Variants in TMCC3 observed in about 807,000 individuals in gnomAD.
TMCC3 encodes the protein transmembrane and coiled-coil domain protein 3.
TMCC3 carries 28 observed loss-of-function variants against 40.2 expected under a neutral mutation model. The ratio of observed to expected loss-of-function variants is 0.70; its 90% confidence interval spans 0.52 to 0.95. The LOEUF (loss-of-function observed/expected upper bound fraction) is 0.95. Among genes scored for constraint, TMCC3 ranks in the 40% least tolerant of loss-of-function variants. The pLI is 0.00. For synonymous variants in TMCC3, 255 were observed against 248.5 expected, an observed-to-expected ratio of 1.03 and a Z score of -0.25; for missense variants, 554 against 615.2, an observed-to-expected ratio of 0.90 and a Z score of 1.05.
rs192372324 is a variant in TMCC3, at chr12:94,605,919, A to T, written c.79-23381T>A. Among the ~76,000 whole-genome samples the T allele has an allele frequency of 2.0e-3, 301 of 152,342 alleles. 1 individual carries two copies. Among genetic ancestry groups the T allele is most frequent in the African/African-American group, 7.0e-3 (291 of 41,578 alleles). ...ATTCTCCTGAATGCAGGAAAGTACC[A>T]CGGTTACACCAATCTACTCCGTCAA... is the stretch of plus-strand genomic sequence containing the variant. On this transcript the variant is annotated intron_variant, in intron 1 of 3. Coordinates refer to ENST00000261226, the MANE Select transcript of TMCC3 (RefSeq NM_020698.4).
chr12:94,627,813 T>C (rs2068911558), intron 1 of TMCC3, among the ~76,000 whole-genome samples: 1 of 152,248 alleles, frequency 6.6e-6, no homozygotes, highest in African/African-American at 2.4e-5. Context: ...GCATTGCACT[T>C]ATCCACATTT....
At chr12:94,598,623 T>C (rs1176119347) in intron 1 of TMCC3, 1 of 985,320 alleles carries the variant, frequency 1.0e-6, no homozygotes, top group African/African-American at 1.7e-5. Flanking sequence ...GGCCAGCTTA[T>C]ACATAAACTC....
At chr12:94,592,118 AT>A (rs1266642004) in intron 1 of TMCC3, among the ~76,000 whole-genome samples, 7 of 152,206 alleles carry the variant, frequency 4.6e-5, no homozygotes, top group Non-Finnish European at 1.0e-4. Flanking sequence ...CCAGAAGGAC[AT>A]TTTATTAGGA....
chr12:94,634,724 T>C (rs1403667651), intron 1 of TMCC3, among the ~76,000 whole-genome samples: 3 of 152,228 alleles, frequency 2.0e-5, no homozygotes, highest in Admixed American at 1.3e-4. Context: ...AGGGCATAAA[T>C]GAGCCACCTG....
intron 1 of TMCC3, among the ~76,000 whole-genome samples, chr12:94,646,540 G>C (rs1312637097): frequency 6.9e-6 from 1 of 144,012 alleles, no homozygotes; most frequent in African/African-American, 2.6e-5. Flanking sequence ...CCGGGTTCAA[G>C]AGATTCTCCT....
At chr12:94,592,680 A>AAAAAAAAAAAAAAAAAAAAAC (rs2068685856) in intron 1 of TMCC3, among the ~76,000 whole-genome samples, 2 of 148,448 alleles carry the variant, frequency 1.3e-5, no homozygotes, top group African/African-American at 2.5e-5. Flanking sequence ...AAAAAAAAAA[A>AAAAAAAAAAAAAAAAAAAAAC]AAATTCTATT....
intron 3 of TMCC3, among the ~76,000 whole-genome samples, chr12:94,573,343 C>A (rs2068544740): frequency 6.6e-6 from 1 of 152,230 alleles, no homozygotes; most frequent in African/African-American, 2.4e-5. Flanking sequence ...AATAACCTTA[C>A]ACGAATTTCC....
intron 3 of TMCC3, among the ~76,000 whole-genome samples, chr12:94,575,460 A>G (rs1400838632): frequency 6.6e-6 from 1 of 152,146 alleles, no homozygotes; most frequent in Non-Finnish European, 1.5e-5. Context: ...CAGAGCACTA[A>G]CTCATCCAGG....
At chr12:94,641,074 C>T (rs535213575) in intron 1 of TMCC3, among the ~76,000 whole-genome samples, 55 of 152,050 alleles carry the variant, frequency 3.6e-4, no homozygotes, top group Non-Finnish European at 7.1e-4. Flanking sequence ...ATGGTATGTG[C>T]CTGTAATCCC....
intron 1 of TMCC3, among the ~76,000 whole-genome samples, chr12:94,593,651 TCAAG>T (rs1019661968): frequency 6.6e-6 from 1 of 151,856 alleles, no homozygotes; most frequent in Non-Finnish European, 1.5e-5. Context: ...AACAAATTCT[TCAAG>T]CATCCTCAAG....
chr12:94,578,607 G>T, intron 2 of TMCC3, 78 bp from the exon 3 acceptor site: 1 of 1,485,560 alleles, frequency 6.7e-7, no homozygotes. Flanking sequence ...ATCTTCCTGC[G>T]CCAGTACCTT....
chr12:94,600,873 G>A (rs4761638), intron 1 of TMCC3, among the ~76,000 whole-genome samples: 45,856 of 151,868 alleles, frequency 0.3, 7,575 homozygotes, highest in African/African-American at 0.42. Context: ...ACTTTCTCAG[G>A]TACCATACAA....
chr12:94,598,886 T>C, intron 1 of TMCC3: 6 of 622,474 alleles, frequency 9.6e-6, no homozygotes, highest in Non-Finnish European at 1.2e-5. Context: ...AGAACCTAAG[T>C]CTGTATTTGG....
chr12:94,619,788 G>A (rs191879961), intron 1 of TMCC3, among the ~76,000 whole-genome samples: 50 of 152,204 alleles, frequency 3.3e-4, no homozygotes, highest in Non-Finnish European at 4.4e-4. Context: ...AACTTAAATC[G>A]CATATCAATA....
intron 1 of TMCC3, among the ~76,000 whole-genome samples, chr12:94,617,906 G>C (rs983934641): frequency 1.6e-4 from 24 of 152,168 alleles, no homozygotes; most frequent in Admixed American, 8.5e-4. Flanking sequence ...GTCTATCAAA[G>C]TTAATATTGC....
At chr12:94,595,105 C>T (rs1002144580) in intron 1 of TMCC3, among the ~76,000 whole-genome samples, 4 of 152,140 alleles carry the variant, frequency 2.6e-5, no homozygotes, top group African/African-American at 9.7e-5. Flanking sequence ...CAGAATCAAA[C>T]GTAGAGTAAC....
chr12:94,605,167 C>G (rs2068775714), intron 1 of TMCC3, among the ~76,000 whole-genome samples: 1 of 152,104 alleles, frequency 6.6e-6, no homozygotes, highest in Non-Finnish European at 1.5e-5. Flanking sequence ...CCATGCTAGG[C>G]TAGACACCTG....
At position 94,582,005 on chromosome 12, in the gene TMCC3, T is replaced by G. The variant is rs770406827; in HGVS notation, c.612A>C (p.Arg204Ser). 1.2e-6 allele frequency: 2 copies of G among 1,614,212 alleles called. No homozygotes were observed. The highest frequency in any genetic ancestry group is 1.7e-6 in the Non-Finnish European group (2 of 1,180,034). ...TATTCCGGATCAGGTTGGCAAACTC[T>G]CTGGACTTATTGAAAACGAACACAG... is the stretch of plus-strand genomic sequence containing the variant. ...TPPVFVFNKSREFANLIRNKF... is the reference protein window; with the variant it reads ...TPPVFVFNKSSEFANLIRNKF... The change falls in exon 2 of 4, where the codon AGA becomes AGC. Residue 204 changes from arginine (R) to serine (S), a missense_variant. Transcript: ENST00000261226.
intron 1 of TMCC3, among the ~76,000 whole-genome samples, chr12:94,645,827 C>A (rs573073141): frequency 6.6e-6 from 1 of 152,038 alleles, no homozygotes; most frequent in African/African-American, 2.4e-5. Context: ...TTCCTTTGAG[C>A]GTCATGTTGA....
Sources: allele counts gnomAD v4.1 joint callset (sites outside exome capture counted in the v4.1 genomes callset), GRCh38; gene constraint gnomAD v4.1.1; transcripts MANE v1.5; gene names NCBI Gene and HGNC (gene_info 2026-07-23, HGNC 2026-07-21).